Variants in GPC6 observed in about 807,000 individuals in gnomAD.
The protein encoded by GPC6 is glypican 6, also known as glypican-6.
In GPC6, 14 loss-of-function variants were observed where a neutral mutation model predicts 55.2. The observed-to-expected ratio is 0.25, with a 90% confidence interval of 0.17 to 0.40. The LOEUF is 0.40. GPC6 is among the 10% of genes least tolerant of loss of function. GPC6 has a pLI of 1.00. For synonymous variants in GPC6, 278 were observed against 259.6 expected (o/e 1.07, Z -0.68); for missense variants, 641 against 708.5 (o/e 0.90, Z 1.08).
At chr13:94,211,541 G>A (rs1566548305) in intron 4 of GPC6, among the ~76,000 whole-genome samples, 2 of 152,152 alleles carry the variant, frequency 1.3e-5, no homozygotes, top group Non-Finnish European at 2.9e-5. Flanking sequence ...GATGATAAGA[G>A]GAGTCATTTG....
intron 4 of GPC6, among the ~76,000 whole-genome samples, chr13:94,173,214 G>A (rs1888631977): frequency 6.6e-6 from 1 of 152,068 alleles, no homozygotes; most frequent in African/African-American, 2.4e-5. Context: ...GTCTGGCTGG[G>A]GACTTGAAAC....
chr13:93,859,255 C>T (rs1246589161), intron 3 of GPC6, among the ~76,000 whole-genome samples: 1 of 151,490 alleles, frequency 6.6e-6, no homozygotes, highest in African/African-American at 2.4e-5. Context: ...TATAATGTAT[C>T]CACGTACCAT....
chr13:93,766,557 A>G (rs1391609198), intron 2 of GPC6, among the ~76,000 whole-genome samples: 2 of 152,172 alleles, frequency 1.3e-5, no homozygotes, highest in Admixed American at 6.6e-5. Flanking sequence ...TGGAATTTGA[A>G]ATAAAAATTT....
chr13:94,034,293 G>A (rs1462708597), intron 4 of GPC6, among the ~76,000 whole-genome samples: 1 of 151,896 alleles, frequency 6.6e-6, no homozygotes. Context: ...ACAGCCTGTC[G>A]CTGGCTACAT....
chr13:94,176,586 T>A (rs1411274948), intron 4 of GPC6, among the ~76,000 whole-genome samples: 7 of 152,142 alleles, frequency 4.6e-5, no homozygotes, highest in Non-Finnish European at 1.5e-5. Context: ...ATGAACCTCG[T>A]TTTTAAATGC....
At chr13:93,389,042 G>T (rs1292883900) in intron 1 of GPC6, among the ~76,000 whole-genome samples, 16 of 152,094 alleles carry the variant, frequency 1.1e-4, no homozygotes, top group Admixed American at 1.0e-3. Flanking sequence ...GATATCTATT[G>T]AGCTGCAGTA....
chr13:93,620,890 A>G (rs567174747), intron 2 of GPC6, among the ~76,000 whole-genome samples: 2 of 152,154 alleles, frequency 1.3e-5, no homozygotes, highest in South Asian at 2.1e-4. Flanking sequence ...TCCTTCACCT[A>G]TTTAGATGAG....
At chr13:93,793,876 G>A (rs9589836) in intron 2 of GPC6, among the ~76,000 whole-genome samples, 50,184 of 152,048 alleles carry the variant, frequency 0.33, 8,701 homozygotes, top group African/African-American at 0.43. Context: ...TTCAACATTT[G>A]TCGTTTATTC....
At chr13:94,070,506 T>C (rs1383714994) in intron 4 of GPC6, among the ~76,000 whole-genome samples, 9 of 152,210 alleles carry the variant, frequency 5.9e-5, no homozygotes, top group Admixed American at 3.3e-4. Context: ...ATTGTAATTG[T>C]CCTTTTGAGA....
At chr13:93,286,287 C>T (rs1201153239) in intron 1 of GPC6, among the ~76,000 whole-genome samples, 1 of 152,118 alleles carries the variant, frequency 6.6e-6, no homozygotes, top group Non-Finnish European at 1.5e-5. Context: ...AAAAGCTGCC[C>T]CCACGATTCA....
rs1280178053 is a variant in GPC6 at position 94,407,238 on chromosome 13, T to G, written c.*4021T>G. ...AACAATGGCATAATAGTGAGGTCTC[T>G]CTGTGCATATACATAATATATATGC... On this transcript the variant is annotated 3_prime_UTR_variant, in exon 9 of 9. Transcript: ENST00000377047. The G allele has an allele frequency of 6.6e-6, 1 of 152,120 alleles. No individual in the cohort carries two copies. Among genetic ancestry groups the G allele is most frequent in the Non-Finnish European group, 1.5e-5 (1 of 67,976 alleles). 9.4% of individuals were successfully genotyped at this position (152,120 alleles called of 1,614,324 possible).
At chr13:93,990,555 C>T (rs1246050837) in intron 3 of GPC6, among the ~76,000 whole-genome samples, 6 of 151,984 alleles carry the variant, frequency 3.9e-5, no homozygotes, top group African/African-American at 1.4e-4. Flanking sequence ...AACATCTTGT[C>T]AGTAAAGAAA....
chr13:93,462,562 C>T (rs970591977), intron 1 of GPC6, among the ~76,000 whole-genome samples: 2 of 149,340 alleles, frequency 1.3e-5, no homozygotes, highest in African/African-American at 2.5e-5. Context: ...AGCTAAGAAA[C>T]TGAAGTTTGT....
At chr13:93,492,756 T>C (rs1008676279) in intron 1 of GPC6, among the ~76,000 whole-genome samples, 18 of 150,848 alleles carry the variant, frequency 1.2e-4, no homozygotes, top group African/African-American at 4.4e-4. Context: ...TGTCAAAGGC[T>C]TTTTCTGCAT....
rs572338330 is a variant in GPC6, at chr13:93,950,319, A to G, written c.712-77410A>G. ...AGACTATGCCTTATTTATGATAGTA[A>G]CTGGTGATATTTATATCTAACTTTT... On this transcript the variant is annotated intron_variant, in intron 3 of 8. Coordinates refer to ENST00000377047, the MANE Select transcript of GPC6 (RefSeq NM_005708.5). Among the ~76,000 whole-genome samples, 6 of 152,348 alleles carry G rather than the reference A, an allele frequency of 3.9e-5. No individual in the cohort carries two copies. In the East Asian group the frequency reaches 1.2e-3, roughly 29 times the overall value.
intron 2 of GPC6, among the ~76,000 whole-genome samples, chr13:93,753,228 CT>C (rs372504584): frequency 1.8e-4 from 28 of 152,298 alleles, no homozygotes; most frequent in African/African-American, 6.3e-4. Context: ...TTCCATGTCA[CT>C]TCAGTGAACA....
In GPC6 at chr13:93,690,164, G is replaced by A. The variant is rs573671707; in HGVS notation, c.320-139990G>A. On this transcript the variant is annotated intron_variant, in intron 2 of 8. Coordinates refer to ENST00000377047, the MANE Select transcript of GPC6 (RefSeq NM_005708.5). ...TTCACTAGAGTAAGAATAGGGATAA[G>A]TTTGCCTGGAGTAAGGAGCTGGTAT... Among the ~76,000 whole-genome samples the A allele has an allele frequency of 4.1e-4, 63 of 152,228 alleles. 1 individual carries two copies. Among genetic ancestry groups the A allele is most frequent in the African/African-American group, 1.4e-3 (59 of 41,566 alleles).
At chr13:93,921,229 G>A (rs1285367032) in intron 3 of GPC6, among the ~76,000 whole-genome samples, 2 of 152,244 alleles carry the variant, frequency 1.3e-5, no homozygotes, top group East Asian at 1.9e-4. Flanking sequence ...AGACAGGTGC[G>A]GGAGTCGGGC....
At chr13:93,297,909 A>G (rs1878547654) in intron 1 of GPC6, among the ~76,000 whole-genome samples, 1 of 152,206 alleles carries the variant, frequency 6.6e-6, no homozygotes, top group Admixed American at 6.5e-5. Context: ...ACTTGACCTG[A>G]GTCTTCCCAA....
Sources: gnomAD v4.1 joint callset for allele counts (sites outside exome capture counted in the v4.1 genomes callset) on GRCh38, gnomAD v4.1.1 for gene constraint, MANE v1.5 for transcripts, NCBI Gene and HGNC (gene_info 2026-07-23, HGNC 2026-07-21) for gene names.